Variants in RBFOX1 observed in about 807,000 individuals in gnomAD.
The protein encoded by RBFOX1 is RNA binding fox-1 homolog 1.
Under a neutral mutation model 57.7 loss-of-function variants are expected in RBFOX1, and 8 were observed. The observed-to-expected ratio is 0.14, with a 90% CI of 0.08 to 0.25. The LOEUF is 0.25. RBFOX1 is among the 10% of genes least tolerant of loss of function. The pLI, the probability that RBFOX1 is intolerant of heterozygous loss-of-function variation, is 1.00. For synonymous variants in RBFOX1, 326 were observed against 222.4 expected (o/e 1.47, Z -4.15); for missense variants, 611 against 548.5 (o/e 1.11, Z -1.14).
rs528899080 is a variant in RBFOX1 at position 6,574,674 on chromosome 16, C to T, written c.-63-79929C>T. On this transcript the variant is annotated intron_variant, in intron 2 of 15. Transcript: ENST00000550418. ...CGATCTCCTGACCTCGTGATCCGCCCGCCTCGGCCTCCCAAAGTGCTGGGA... is the reference window on the plus strand; with the variant it reads ...CGATCTCCTGACCTCGTGATCCGCCTGCCTCGGCCTCCCAAAGTGCTGGGA... Among the ~76,000 whole-genome samples the T allele has an allele frequency of 8.2e-3, 1,089 of 132,214 alleles. 23 individuals carry two copies. Among genetic ancestry groups the T allele is most frequent in the African/African-American group, 0.029 (1,034 of 36,160 alleles). 86.7% of individuals were successfully genotyped at this position (132,214 alleles called of 152,430 possible).
intron 1 of RBFOX1, among the ~76,000 whole-genome samples, chr16:6,279,593 G>T (rs185438170): frequency 6.6e-6 from 1 of 152,242 alleles, no homozygotes; most frequent in Admixed American, 6.5e-5. Flanking sequence ...TTATCTATTG[G>T]CCTTGGAGAA....
At chr16:6,707,773 A>G (rs1044235098) in intron 3 of RBFOX1, among the ~76,000 whole-genome samples, 1 of 152,180 alleles carries the variant, frequency 6.6e-6, no homozygotes, top group African/African-American at 2.4e-5. Context: ...GTAGGAGACC[A>G]AAAGAGAAAG....
At chr16:5,788,601 C>A (rs993019123) in intron 3 of RBFOX1, among the ~76,000 whole-genome samples, 1 of 152,148 alleles carries the variant, frequency 6.6e-6, no homozygotes, top group African/African-American at 2.4e-5. Context: ...TGCACTCCAG[C>A]CTGGGTGACA....
chr16:7,233,043 C>G (rs1448047215), intron 4 of RBFOX1, among the ~76,000 whole-genome samples: 1 of 152,098 alleles, frequency 6.6e-6, no homozygotes, highest in African/African-American at 2.4e-5. Flanking sequence ...CCTTTTCAAT[C>G]CCTTTTGCTT....
intron 1 of RBFOX1, among the ~76,000 whole-genome samples, chr16:5,251,772 A>T (rs77246973): frequency 1.2e-4 from 18 of 152,204 alleles, no homozygotes; most frequent in African/African-American, 3.9e-4. Flanking sequence ...GTGTAGCTGC[A>T]ACATGTGTCA....
intron 2 of RBFOX1, among the ~76,000 whole-genome samples, chr16:6,408,831 G>A (rs2093368576): frequency 6.6e-6 from 1 of 152,134 alleles, no homozygotes; most frequent in Admixed American, 6.5e-5. Context: ...TCCTAAAAAT[G>A]ACCCATCTTG....
intron 4 of RBFOX1, among the ~76,000 whole-genome samples, chr16:7,193,038 C>G (rs28597946): frequency 1.3e-5 from 2 of 152,244 alleles, no homozygotes; most frequent in Non-Finnish European, 1.5e-5. Flanking sequence ...ATGTCTTAAT[C>G]TCTGGAACCT....
chr16:7,081,156 T>A (rs990982456), intron 4 of RBFOX1, among the ~76,000 whole-genome samples: 3 of 152,148 alleles, frequency 2.0e-5, no homozygotes, highest in African/African-American at 7.2e-5. Context: ...TGCCTCAGCC[T>A]CCCAAGTAGC....
intron 3 of RBFOX1, among the ~76,000 whole-genome samples, chr16:6,976,836 C>G (rs1450583700): frequency 1.5e-5 from 2 of 136,356 alleles, no homozygotes; most frequent in Non-Finnish European, 3.1e-5. Context: ...TATAATGTAC[C>G]TATCATATGA....
rs572654194 is a variant in RBFOX1 at position 6,156,568 on chromosome 16, T to A, written c.-127+136576T>A. On this transcript the variant is annotated intron_variant, in intron 1 of 15. Transcript: ENST00000550418. ...TTGGCAAAGTTGTGTGGGGAGCTGT[T>A]GAGTCCAACATGTAACAGTGAGACG... is the stretch of plus-strand genomic sequence containing the variant. Among the ~76,000 whole-genome samples, 4 of 152,284 alleles carry A rather than the reference T, an allele frequency of 2.6e-5. No homozygotes were observed. In the South Asian group the frequency reaches 8.3e-4, roughly 32 times the overall value.
In RBFOX1 at chr16:6,478,489, T is replaced by A. The variant is rs1182211629; in HGVS notation, c.-64+161432T>A. 2.8e-5 allele frequency among the ~76,000 whole-genome samples: 4 copies of A among 143,264 alleles called. No homozygotes were observed. In the East Asian group the frequency reaches 8.1e-4, roughly 29 times the overall value. 94.0% of individuals were successfully genotyped at this position (143,264 alleles called of 152,430 possible). ...CAGGGTTTCACCATGTTGGCGAGGC[T>A]GTTCTGGAACTCCTGACCTTGTGAT... On this transcript the variant is annotated intron_variant, in intron 2 of 15. Transcript: ENST00000550418.
At chr16:5,526,957 C>T (rs1183368094) in intron 2 of RBFOX1, among the ~76,000 whole-genome samples, 1 of 152,188 alleles carries the variant, frequency 6.6e-6, no homozygotes, top group Non-Finnish European at 1.5e-5. Flanking sequence ...GGAGTGATGA[C>T]AGCAATGGTC....
chr16:6,901,840 T>A (rs922131820), intron 3 of RBFOX1, among the ~76,000 whole-genome samples: 8 of 152,286 alleles, frequency 5.3e-5, no homozygotes, highest in African/African-American at 1.9e-4. Flanking sequence ...AAATATAAAG[T>A]GGGAATTGAT....
At chr16:6,338,696 T>G (rs188373581) in intron 2 of RBFOX1, among the ~76,000 whole-genome samples, 1 of 152,322 alleles carries the variant, frequency 6.6e-6, no homozygotes, top group East Asian at 1.9e-4. Flanking sequence ...AGACATACAA[T>G]GGCACTCAAG....
At chr16:7,111,824 A>G (rs2064843821) in intron 4 of RBFOX1, among the ~76,000 whole-genome samples, 2 of 152,020 alleles carry the variant, frequency 1.3e-5, no homozygotes, top group Non-Finnish European at 2.9e-5. Flanking sequence ...GGAGAGAAGT[A>G]AACTTTATAA....
intron 1 of RBFOX1, among the ~76,000 whole-genome samples, chr16:6,065,187 C>T (rs2095744570): frequency 1.4e-5 from 2 of 143,810 alleles, no homozygotes; most frequent in South Asian, 2.3e-4. Context: ...GCCACCATCA[C>T]CGGCTAATTT....
Position 7,278,130 on chromosome 16 carries a change from C to T in RBFOX1, c.27+226032C>T, listed in dbSNP as rs531334813. Among the ~76,000 whole-genome samples the T allele has an allele frequency of 6.3e-4, 96 of 151,824 alleles. No individual in the cohort carries two copies. The South Asian group carries it at 7.5e-3, about 12-fold the overall frequency. On this transcript the variant is annotated intron_variant, in intron 4 of 15. Transcript: ENST00000550418. ...AGTGGTATTTGGCTCCGCTTGGTTTCCAAAATTGTAAGGTAAATTCTGTGC... is the reference window on the plus strand; with the variant it reads ...AGTGGTATTTGGCTCCGCTTGGTTTTCAAAATTGTAAGGTAAATTCTGTGC...
chr16:5,691,019 C>G (rs957865304), intron 3 of RBFOX1, among the ~76,000 whole-genome samples: 4 of 152,112 alleles, frequency 2.6e-5, no homozygotes, highest in Admixed American at 6.6e-5. Context: ...TACCCCAGAA[C>G]AAAATTTTGA....
chr16:6,914,965 C>T (rs977494974), intron 3 of RBFOX1, among the ~76,000 whole-genome samples: 4 of 152,214 alleles, frequency 2.6e-5, no homozygotes, highest in Non-Finnish European at 4.4e-5. Context: ...ATAGTGCCTG[C>T]GTACTATTAT....
Sources: gnomAD v4.1 joint callset for allele counts (sites outside exome capture counted in the v4.1 genomes callset) on GRCh38, gnomAD v4.1.1 for gene constraint, MANE v1.5 for transcripts, NCBI Gene and HGNC (gene_info 2026-07-23, HGNC 2026-07-21) for gene names.